SYNDIG1: variants seen among roughly 807,000 people sequenced by gnomAD.
The protein encoded by SYNDIG1 is synapse differentiation inducing 1.
Under a neutral mutation model 19.4 loss-of-function variants are expected in SYNDIG1, and 9 were observed. The observed-to-expected ratio is 0.46, with a 90% confidence interval of 0.28 to 0.81. The LOEUF (loss-of-function observed/expected upper bound fraction) is 0.81, where lower values mean the gene tolerates loss of function less well. Ranked by LOEUF, SYNDIG1 falls within the 30% of genes least tolerant of loss-of-function variation. The pLI is 0.12. For synonymous variants in SYNDIG1, 141 were observed against 145.9 expected, an observed-to-expected ratio of 0.97 and a Z score of 0.24; for missense variants, 311 against 343.3, an observed-to-expected ratio of 0.91 and a Z score of 0.74.
intron 3 of SYNDIG1, among the ~76,000 whole-genome samples, chr20:24,625,977 C>T (rs112197880): frequency 6.6e-6 from 1 of 151,436 alleles, no homozygotes; most frequent in African/African-American, 2.4e-5. Flanking sequence ...GATGGGGCGG[C>T]TGGCCAGGCG....
At chr20:24,474,807 GGCAGGC>G (rs2055569931) in intron 1 of SYNDIG1, among the ~76,000 whole-genome samples, 2 of 152,138 alleles carry the variant, frequency 1.3e-5, no homozygotes, top group South Asian at 4.1e-4. Context: ...GGCCTCACTG[GGCAGGC>G]GCCCGCTTTC....
intron 3 of SYNDIG1, among the ~76,000 whole-genome samples, chr20:24,660,379 G>T (rs573075006): frequency 7.2e-5 from 11 of 152,304 alleles, no homozygotes; most frequent in South Asian, 2.1e-4. Context: ...GGGAATTTTG[G>T]TTTTTCCACA....
intron 3 of SYNDIG1, among the ~76,000 whole-genome samples, chr20:24,618,612 C>T (rs191606968): frequency 4.6e-5 from 7 of 152,328 alleles, no homozygotes; most frequent in Admixed American, 4.6e-4. Flanking sequence ...TTTATATTTT[C>T]CTCTCATCTT....
chr20:24,603,250 G>A (rs2058705180), intron 3 of SYNDIG1, among the ~76,000 whole-genome samples: 1 of 152,112 alleles, frequency 6.6e-6, no homozygotes, highest in Admixed American at 6.5e-5. Flanking sequence ...GGAGTTGGGA[G>A]AGATTGTTCG....
At chr20:24,575,708 G>A (rs1055371337) in intron 2 of SYNDIG1, among the ~76,000 whole-genome samples, 2 of 152,092 alleles carry the variant, frequency 1.3e-5, no homozygotes, top group Non-Finnish European at 2.9e-5. Flanking sequence ...CCTCCTCAAA[G>A]AATATAAAAT....
intron 2 of SYNDIG1, among the ~76,000 whole-genome samples, chr20:24,578,374 C>T (rs987568621): frequency 2.0e-5 from 3 of 149,046 alleles, no homozygotes; most frequent in Non-Finnish European, 1.5e-5. Flanking sequence ...ACCCGGGAGG[C>T]GGAGGTTGCA....
At chr20:24,603,095 A>G (rs2058702515) in intron 3 of SYNDIG1, among the ~76,000 whole-genome samples, 7 of 152,172 alleles carry the variant, frequency 4.6e-5, no homozygotes, top group Admixed American at 4.6e-4. Context: ...GCCACTGGGC[A>G]TGGAATCTGC....
At chr20:24,613,017 T>C (rs763980238) in intron 3 of SYNDIG1, among the ~76,000 whole-genome samples, 38 of 152,348 alleles carry the variant, frequency 2.5e-4, no homozygotes, top group Non-Finnish European at 4.0e-4. Flanking sequence ...ATGAGGAGAC[T>C]GCGTCTCTGG....
At chr20:24,559,529 T>C (rs1465673045) in intron 2 of SYNDIG1, among the ~76,000 whole-genome samples, 1 of 152,144 alleles carries the variant, frequency 6.6e-6, no homozygotes, top group Non-Finnish European at 1.5e-5. Context: ...ATTTATACAG[T>C]ATTATATAGT....
At chr20:24,473,696 G>T (rs1476350553) in intron 1 of SYNDIG1, among the ~76,000 whole-genome samples, 1 of 152,080 alleles carries the variant, frequency 6.6e-6, no homozygotes, top group Non-Finnish European at 1.5e-5. Context: ...TTTCCCGAGT[G>T]CCATGAGCAG....
chr20:24,590,769 G>T (rs2058496893), intron 3 of SYNDIG1, among the ~76,000 whole-genome samples: 1 of 152,176 alleles, frequency 6.6e-6, no homozygotes, highest in African/African-American at 2.4e-5. Flanking sequence ...CCAGGGAGAC[G>T]TCTGGGCCGA....
intron 3 of SYNDIG1, among the ~76,000 whole-genome samples, chr20:24,626,417 G>A (rs2059136375): frequency 6.6e-6 from 1 of 151,714 alleles, no homozygotes; most frequent in Non-Finnish European, 1.5e-5. Context: ...CCGGGCCGAG[G>A]CGCTCCTCAC....
At chr20:24,492,193 A>AT (rs1388411622) in intron 1 of SYNDIG1, among the ~76,000 whole-genome samples, 1 of 152,084 alleles carries the variant, frequency 6.6e-6, no homozygotes, top group African/African-American at 2.4e-5. Context: ...CCCCCTTGGA[A>AT]TGTGCCCCCC....
chr20:24,485,592 CCTTA>C (rs1225520004), intron 1 of SYNDIG1, among the ~76,000 whole-genome samples: 1 of 152,120 alleles, frequency 6.6e-6, no homozygotes, highest in Non-Finnish European at 1.5e-5. Context: ...CTTTTTATTG[CCTTA>C]CTTCTTTTTT....
At chr20:24,581,082 A>G (rs1276508040) in intron 2 of SYNDIG1, among the ~76,000 whole-genome samples, 1 of 152,114 alleles carries the variant, frequency 6.6e-6, no homozygotes, top group East Asian at 1.9e-4. Context: ...TCATCTTCTC[A>G]TGAGAAGCAA....
chr20:24,582,922 G>A (rs2058354364), intron 2 of SYNDIG1, among the ~76,000 whole-genome samples: 4 of 152,214 alleles, frequency 2.6e-5, no homozygotes, highest in Admixed American at 2.6e-4. Flanking sequence ...CAAGTTGCTT[G>A]CCCTGTTGGT....
chr20:24,641,385 T>A (rs190340203), intron 3 of SYNDIG1, among the ~76,000 whole-genome samples: 365 of 152,316 alleles, frequency 2.4e-3, no homozygotes, highest in Admixed American at 6.5e-3. Context: ...GAGTGTTGAC[T>A]GTAGTTTCTT....
chr20:24,660,432 G>A (rs2059572503), intron 3 of SYNDIG1, among the ~76,000 whole-genome samples: 1 of 152,136 alleles, frequency 6.6e-6, no homozygotes, highest in South Asian at 2.1e-4. Flanking sequence ...TTGCTGGAGG[G>A]TCCATGTACA....
rs1223973466 is a variant in SYNDIG1, at chr20:24,569,816, T to TGGATAAGAGGATGAACAGGTGCAC, written c.481-15038_481-15015dup. On this transcript the variant is annotated intron_variant, in intron 2 of 3. Coordinates refer to ENST00000376862, the MANE Select transcript of SYNDIG1 (RefSeq NM_024893.3). ...AGAAAAGATAAGATGAAGCGATGGGTGGATAAGAGGATGAACAGGTGCACG... is the reference window on the plus strand; with the variant it reads ...AGAAAAGATAAGATGAAGCGATGGGTGGATAAGAGGATGAACAGGTGCACGGATAAGAGGATGAACAGGTGCACG... 1.1e-4 allele frequency among the ~76,000 whole-genome samples: 16 copies of TGGATAAGAGGATGAACAGGTGCAC among 152,132 alleles called. No individual in the cohort carries two copies. The East Asian group carries it at 2.7e-3, about 26-fold the overall frequency.
Sources: allele counts gnomAD v4.1 joint callset (sites outside exome capture counted in the v4.1 genomes callset), GRCh38; gene constraint gnomAD v4.1.1; transcripts MANE v1.5; gene names NCBI Gene and HGNC (gene_info 2026-07-23, HGNC 2026-07-21).